The following RAB27A variants were observed in gnomAD, a reference collection of about 807,000 sequenced individuals.
RAB27A encodes ras-related protein Rab-27A.
A neutral mutation model predicts 20.8 loss-of-function variants in RAB27A; 17 were observed. The ratio of observed to expected loss-of-function variants is 0.82; its 90% CI spans 0.56 to 1.23. The LOEUF is 1.23. Among genes scored for constraint, RAB27A ranks in the 50% most tolerant of loss-of-function variants. The pLI is 0.00. For synonymous variants in RAB27A, 85 were observed against 92.8 expected (o/e 0.92, Z 0.48); for missense variants, 277 against 266.7 (o/e 1.04, Z -0.27).
chr15:55,268,633 A>G lies in RAB27A; in HGVS notation c.-23+1532T>C, dbSNP rs143573290. On this transcript the variant is annotated intron_variant, in intron 2 of 6. Coordinates refer to ENST00000336787, the MANE Select transcript of RAB27A (RefSeq NM_183235.3). Reference sequence around the variant, plus strand: ...TACACACTCACAAAGCTAGATCCCTATATTTGATTAAACCATGGGTTAGTA... The same window carrying G: ...TACACACTCACAAAGCTAGATCCCTGTATTTGATTAAACCATGGGTTAGTA... 2.6e-3 allele frequency among the ~76,000 whole-genome samples: 396 copies of G among 152,266 alleles called. 2 individuals are homozygous for G. The highest frequency in any genetic ancestry group is 4.7e-3 in the Non-Finnish European group (319 of 68,018).
chr15:55,298,356 C>A (rs925984626), intron 2 of RAB27A, among the ~76,000 whole-genome samples: 3 of 152,028 alleles, frequency 2.0e-5, no homozygotes, highest in African/African-American at 4.8e-5. Flanking sequence ...GCTGGGCGAC[C>A]GGGGGAGACA....
chr15:55,223,931 A>G lies in RAB27A; in HGVS notation c.425T>C (p.Val142Ala), dbSNP rs569221128. 1.9e-6 allele frequency: 3 copies of G among 1,613,550 alleles called. No individual in the cohort carries two copies. In the Admixed American group the frequency reaches 5.0e-5, roughly 27 times the overall value. The part of the protein sequence containing the change: ...GNKSDLEDQR[V>A]VKEEEAIALA... ...TGCTATGGCTTCCTCCTCTTTCACT[A>G]CTCTCTGGTCCTCCAGATCACTCTT... Residue 142 changes from valine to alanine, a missense_variant, in exon 6 of 7, where the codon GTA becomes GCA. Transcript: ENST00000336787.
intron 4 of RAB27A, among the ~76,000 whole-genome samples, chr15:55,229,147 T>C (rs1895933924): frequency 6.6e-6 from 1 of 152,182 alleles, no homozygotes; most frequent in African/African-American, 2.4e-5. Context: ...TCAGACCTTA[T>C]TCTGTCTTGG....
intron 2 of RAB27A, among the ~76,000 whole-genome samples, chr15:55,253,598 C>T (rs1896976082): frequency 6.6e-6 from 1 of 152,080 alleles, no homozygotes; most frequent in South Asian, 2.1e-4. Flanking sequence ...CAGCTAAGCC[C>T]AGGATAAGGC....
rs1009692803 is a variant in RAB27A, at chr15:55,203,105, A to C, written c.*2402T>G. 3 of 152,084 alleles carry C rather than the reference A, an allele frequency of 2.0e-5. No individual in the cohort carries two copies. The highest frequency in any genetic ancestry group is 4.4e-5 in the Non-Finnish European group (3 of 67,964). 9.4% of individuals were successfully genotyped at this position (152,084 alleles called of 1,614,324 possible). Reference sequence around the variant, plus strand: ...TATAGTACTTCAATACCAAACTTAAATGATTTCCAAAAAGAATACAGGTTA... The same window carrying C: ...TATAGTACTTCAATACCAAACTTAACTGATTTCCAAAAAGAATACAGGTTA... On this transcript the variant is annotated 3_prime_UTR_variant, in exon 7 of 7. Transcript: ENST00000336787.
rs139247085 is a variant in RAB27A, at chr15:55,309,744, G to A, written c.-112+4295C>T. 2.6e-3 allele frequency among the ~76,000 whole-genome samples: 394 copies of A among 152,282 alleles called. 1 individual carries two copies. Among genetic ancestry groups the A allele is most frequent in the Non-Finnish European group, 4.6e-3 (316 of 68,014 alleles). On this transcript the variant is annotated intron_variant, in intron 2 of 5. Transcript: ENST00000563262. ...TAAGGGTTAGGTACAGCTGGGTGTA[G>A]ATGGACAATGGCCTCATTGATAATC...
chr15:55,302,929 T>G lies in RAB27A; in HGVS notation c.-112+11110A>C, dbSNP rs1441156803. Among the ~76,000 whole-genome samples, 126 of 137,882 alleles carry G rather than the reference T, an allele frequency of 9.1e-4. 1 individual carries two copies. Among genetic ancestry groups the G allele is most frequent in the African/African-American group, 3.5e-3 (119 of 33,894 alleles). 90.5% of individuals were successfully genotyped at this position (137,882 alleles called of 152,430 possible). On this transcript the variant is annotated intron_variant, in intron 2 of 5. Coordinates refer to the RAB27A transcript ENST00000563262. Reference sequence around the variant, plus strand: ...GCCTCTCCGCCCGGCAGCCACCCCATCTGGGAAGTGAGGAGCATCTCCGCC... The same window carrying G: ...GCCTCTCCGCCCGGCAGCCACCCCAGCTGGGAAGTGAGGAGCATCTCCGCC...
At chr15:55,308,679 C>T (rs1342050215) in intron 2 of RAB27A, among the ~76,000 whole-genome samples, 1 of 152,214 alleles carries the variant, frequency 6.6e-6, no homozygotes, top group Non-Finnish European at 1.5e-5. Flanking sequence ...AGAAATGGGA[C>T]TGGGTTAAGA....
At chr15:55,308,075 C>A (rs1327457109) in intron 2 of RAB27A, among the ~76,000 whole-genome samples, 1 of 152,112 alleles carries the variant, frequency 6.6e-6, no homozygotes, top group Non-Finnish European at 1.5e-5. Flanking sequence ...GGCTTGGTTT[C>A]CCGGAGGGGA....
chr15:55,282,011 G>GA (rs1407580615), intron 1 of RAB27A, among the ~76,000 whole-genome samples: 1 of 152,184 alleles, frequency 6.6e-6, no homozygotes, highest in African/African-American at 2.4e-5. Flanking sequence ...GAACAGAAAA[G>GA]TAGCAGTACA....
At chr15:55,262,894 G>A (rs1897327427) in intron 2 of RAB27A, among the ~76,000 whole-genome samples, 1 of 152,140 alleles carries the variant, frequency 6.6e-6, no homozygotes, top group East Asian at 1.9e-4. Flanking sequence ...TCACTGTTAA[G>A]AATGACATTT....
intron 2 of RAB27A, among the ~76,000 whole-genome samples, chr15:55,300,649 A>C (rs898262442): frequency 6.6e-6 from 1 of 151,638 alleles, no homozygotes; most frequent in Admixed American, 6.6e-5. Context: ...ATTGCACCCC[A>C]GTCTGGGCAA....
At chr15:55,278,893 C>T (rs1329587631) in intron 1 of RAB27A, among the ~76,000 whole-genome samples, 1 of 152,100 alleles carries the variant, frequency 6.6e-6, no homozygotes, top group African/African-American at 2.4e-5. Context: ...CAATTCTATC[C>T]CTGAAAAATA....
chr15:55,219,987 C>T (rs959587327), intron 6 of RAB27A, among the ~76,000 whole-genome samples: 6 of 152,092 alleles, frequency 3.9e-5, no homozygotes, highest in Admixed American at 2.6e-4. Flanking sequence ...GGAAAATTAG[C>T]GGTAGACTCT....
At chr15:55,266,374 T>C (rs536246364) in intron 2 of RAB27A, among the ~76,000 whole-genome samples, 6 of 152,352 alleles carry the variant, frequency 3.9e-5, no homozygotes, top group Non-Finnish European at 8.8e-5. Context: ...TACTTTGTTA[T>C]AACAGTTTGA....
chr15:55,270,053 T>C (rs1475337294), intron 2 of RAB27A, 112 bp downstream of exon 2: 1 of 152,022 alleles, frequency 6.6e-6, no homozygotes, highest in Admixed American at 6.6e-5. Context: ...TTAAAAACAG[T>C]ACGTGCAATG....
intron 2 of RAB27A, among the ~76,000 whole-genome samples, chr15:55,242,398 A>T (rs1465780320): frequency 1.9e-4 from 29 of 152,160 alleles, no homozygotes; most frequent in Admixed American, 1.9e-3. Flanking sequence ...CAAGTTTTTT[A>T]TACTAAGCCT....
chr15:55,232,698 G>A (rs1346388394), intron 3 of RAB27A, among the ~76,000 whole-genome samples: 1 of 152,130 alleles, frequency 6.6e-6, no homozygotes, highest in African/African-American at 2.4e-5. Flanking sequence ...TAAGCTGAAA[G>A]GAAACTAGAC....
intron 6 of RAB27A, among the ~76,000 whole-genome samples, chr15:55,220,403 G>A (rs994145568): frequency 6.6e-6 from 1 of 152,094 alleles, no homozygotes; most frequent in Non-Finnish European, 1.5e-5. Flanking sequence ...CCAAGTAGCT[G>A]GAATTACAGG....
Sources: allele counts gnomAD v4.1 joint callset (sites outside exome capture counted in the v4.1 genomes callset), GRCh38; gene constraint gnomAD v4.1.1; transcripts MANE v1.5; gene names NCBI Gene and HGNC (gene_info 2026-07-23, HGNC 2026-07-21).